C3orf49: variants seen among roughly 807,000 people sequenced by gnomAD.
The protein encoded by C3orf49 is putative uncharacterized protein C3orf49.
A neutral mutation model predicts 13.3 loss-of-function variants in C3orf49; 27 were observed. The observed-to-expected ratio is 2.02, with a 90% CI of 1.49 to 2.79. The LOEUF (loss-of-function observed/expected upper bound fraction) is 2.79, where lower values mean the gene tolerates loss of function less well. C3orf49 is among the 30% of genes most tolerant of loss of function. The pLI is 0.00. For missense variants in C3orf49, 242 were observed against 134.2 expected, an observed-to-expected ratio of 1.80 and a Z score of -3.97; for synonymous variants, 87 against 47.6, an observed-to-expected ratio of 1.83 and a Z score of -3.40.
chr3:63,825,065 C>A (rs952130973), intron 2 of C3orf49, among the ~76,000 whole-genome samples: 6 of 152,076 alleles, frequency 3.9e-5, no homozygotes, highest in African/African-American at 9.7e-5. Context: ...AGGGTTCCCC[C>A]TTTATATTGT....
chr3:63,812,578 T>A, the C3orf49 span, among the ~76,000 whole-genome samples: 1 of 152,244 alleles, frequency 6.6e-6, no homozygotes. Flanking sequence ...CATTTATCCT[T>A]ATTTTACTTG....
At chr3:63,818,954 A>G (rs1701356501), upstream of C3orf49, among the ~76,000 whole-genome samples, 1 of 152,260 alleles carries the variant, frequency 6.6e-6, no homozygotes, top group Non-Finnish European at 1.5e-5. Flanking sequence ...CACAGAGAAC[A>G]TTCACCAGCT....
the C3orf49 span, among the ~76,000 whole-genome samples, chr3:63,794,609 A>T: frequency 6.6e-6 from 1 of 152,042 alleles, no homozygotes; most frequent in South Asian, 2.1e-4. Flanking sequence ...TTCTCACTTC[A>T]CCAAATGAAC....
intron 5 of C3orf49, among the ~76,000 whole-genome samples, chr3:63,844,762 T>C (rs1406849395): frequency 6.6e-6 from 1 of 152,200 alleles, no homozygotes; most frequent in Non-Finnish European, 1.5e-5. Flanking sequence ...AAGAAGACCC[T>C]CACCAGATTT....
At chr3:63,837,685 G>C (rs1431055309) in intron 5 of C3orf49, among the ~76,000 whole-genome samples, 1 of 151,010 alleles carries the variant, frequency 6.6e-6, no homozygotes, top group Non-Finnish European at 1.5e-5. Flanking sequence ...TAGGCAAAAG[G>C]GTCCAAGATG....
intron 3 of C3orf49, among the ~76,000 whole-genome samples, chr3:63,830,438 C>T (rs981543073): frequency 6.6e-6 from 1 of 152,140 alleles, no homozygotes; most frequent in African/African-American, 2.4e-5. Flanking sequence ...GATGTGGTCC[C>T]ATATCCTACT....
chr3:63,823,263 G>A lies in C3orf49; in HGVS notation c.139G>A (p.Val47Met). The change falls in exon 2 of 7, where the codon GTG becomes ATG. Residue 47 changes from valine to methionine, a missense_variant. Transcript: ENST00000295896. ...TATTTTGTTTAGATGGCATAGAGCT[G>A]TGTCTACCAACTTACTAAAACAAAA... ...RKGIERWHRAVSTNLLKQNVL... is the reference protein window; with the variant it reads ...RKGIERWHRAMSTNLLKQNVL... 1 of 702,320 alleles carries A rather than the reference G, an allele frequency of 1.4e-6. No homozygotes were observed. The allele number at this position is 702,320 out of a possible 1,614,324, so 43.5% of individuals were successfully genotyped here.
the C3orf49 span, among the ~76,000 whole-genome samples, chr3:63,792,100 G>A: frequency 6.6e-6 from 1 of 152,170 alleles, no homozygotes. Context: ...TTGTGCAATT[G>A]TTTGGACTTT....
chr3:63,782,376 C>T, the C3orf49 span: 1 of 152,054 alleles, frequency 6.6e-6, no homozygotes. Context: ...ATTTGCAAAA[C>T]ATTTTCAAAT....
intron 5 of C3orf49, chr3:63,836,278 T>C: frequency 1.2e-6 from 2 of 1,606,966 alleles, no homozygotes; most frequent in Non-Finnish European, 1.7e-6. Context: ...TTAGTTCCTT[T>C]CAAAGTAAAG....
chr3:63,831,039 C>T, intron 3 of C3orf49, 71 bp from the exon 4 acceptor site: 1 of 664,780 alleles, frequency 1.5e-6, no homozygotes, highest in East Asian at 2.7e-5. Flanking sequence ...GGTGAGAACT[C>T]TTGTTTAAGC....
At chr3:63,842,058 G>A (rs1337852000) in intron 5 of C3orf49, among the ~76,000 whole-genome samples, 1 of 152,098 alleles carries the variant, frequency 6.6e-6, no homozygotes, top group African/African-American at 2.4e-5. Flanking sequence ...TGATTGAGAG[G>A]AAAAAATATT....
the C3orf49 span, among the ~76,000 whole-genome samples, chr3:63,791,293 CAG>C: frequency 1.3e-5 from 2 of 152,174 alleles, no homozygotes; most frequent in Admixed American, 6.5e-5. Context: ...TACTAGAAAG[CAG>C]AGTTAGTTAC....
At chr3:63,788,403 T>A in the C3orf49 span, among the ~76,000 whole-genome samples, 1 of 152,244 alleles carries the variant, frequency 6.6e-6, no homozygotes, top group Admixed American at 6.5e-5. Context: ...TTTCTATTTT[T>A]AAACTTGTTT....
chr3:63,802,690 A>T, the C3orf49 span, among the ~76,000 whole-genome samples: 1 of 152,328 alleles, frequency 6.6e-6, no homozygotes, highest in East Asian at 1.9e-4. Flanking sequence ...GCAGTAAGAC[A>T]GCACTTTCCA....
chr3:63,833,998 A>T, intron 5 of C3orf49: 1 of 752,448 alleles, frequency 1.3e-6, no homozygotes, highest in Non-Finnish European at 2.1e-6. Flanking sequence ...AATATGAATG[A>T]AATACATTCA....
intron 2 of C3orf49, among the ~76,000 whole-genome samples, chr3:63,825,348 C>T (rs562904271): frequency 1.2e-4 from 18 of 152,212 alleles, no homozygotes; most frequent in African/African-American, 2.4e-4. Flanking sequence ...GGTTTCCAGC[C>T]GACTACTTTC....
chr3:63,840,872 G>C (rs1446521711), intron 5 of C3orf49, among the ~76,000 whole-genome samples: 1 of 152,142 alleles, frequency 6.6e-6, no homozygotes, highest in African/African-American at 2.4e-5. Context: ...TAGGGCCACT[G>C]AACAATAACA....
intron 6 of C3orf49, among the ~76,000 whole-genome samples, chr3:63,847,891 T>C (rs1701933609): frequency 6.6e-6 from 1 of 152,164 alleles, no homozygotes; most frequent in African/African-American, 2.4e-5. Flanking sequence ...GCCAAGGGCT[T>C]TCCAAAGTAA....
Sources: allele counts gnomAD v4.1 joint callset (sites outside exome capture counted in the v4.1 genomes callset), GRCh38; gene constraint gnomAD v4.1.1; transcripts MANE v1.5; gene names NCBI Gene and HGNC (gene_info 2026-07-23, HGNC 2026-07-21).